Variants in PIK3R1 observed in about 807,000 individuals in gnomAD.
PIK3R1 encodes phosphatidylinositol 3-kinase regulatory subunit alpha.
A neutral mutation model predicts 98.0 loss-of-function variants in PIK3R1; 29 were observed. That is an observed-to-expected ratio of 0.30 (90% CI 0.22 to 0.40). The LOEUF is 0.40. Ranked by LOEUF, PIK3R1 falls within the 10% of genes least tolerant of loss-of-function variation. PIK3R1 has a pLI of 1.00. For missense variants in PIK3R1, 596 were observed against 872.7 expected, an observed-to-expected ratio of 0.68 and a Z score of 3.99; for synonymous variants, 282 against 311.8, an observed-to-expected ratio of 0.90 and a Z score of 1.01.
In PIK3R1 at chr5:68,226,603, T is replaced by G. The variant is rs771427287; in HGVS notation, c.-73T>G. On this transcript the variant is annotated 5_prime_UTR_variant, in exon 2 of 16. Coordinates refer to ENST00000521381, the MANE Select transcript of PIK3R1 (RefSeq NM_181523.3). ...TTCTAACACATTCTCTGAATTCACTTTTCATAAAAACGTAAAATCAGACTG... is the reference window on the plus strand; with the variant it reads ...TTCTAACACATTCTCTGAATTCACTGTTCATAAAAACGTAAAATCAGACTG... 44 of 1,238,764 alleles carry G rather than the reference T, an allele frequency of 3.6e-5. No homozygotes were observed. Among genetic ancestry groups the G allele is most frequent in the Non-Finnish European group, 4.8e-5 (42 of 867,294 alleles). 76.7% of individuals were successfully genotyped at this position (1,238,764 alleles called of 1,614,324 possible). A position where few individuals can be genotyped will look rare whatever the true frequency, so the allele number is the denominator to read the frequency against.
At position 68,230,894 on chromosome 5, in the gene PIK3R1, A is replaced by T. The variant is rs1580178181; in HGVS notation, c.334+3885A>T. Among the ~76,000 whole-genome samples the T allele has an allele frequency of 2.0e-5, 3 of 152,296 alleles. No individual in the cohort carries two copies. The East Asian group carries it at 5.8e-4, about 29-fold the overall frequency. On this transcript the variant is annotated intron_variant, in intron 2 of 15. Coordinates refer to ENST00000521381, the MANE Select transcript of PIK3R1 (RefSeq NM_181523.3). ...TCTTCCATGTTTTGTTTGGATAAAG[A>T]GTGTGCTGGGTGTGCAAGGTGGGTG...
Position 68,280,922 on chromosome 5 carries a change from T to TA in PIK3R1, c.837-4dup. On this transcript the variant is annotated splice_region_variant and splice_polypyrimidine_tract_variant and intron_variant, in intron 6 of 15. Transcript: ENST00000521381. ...AAGGTTTCTAATAAACTCTCTTTCTTACAGCTCTGATAATACTGAAAACCT... is the reference window on the plus strand; with the variant it reads ...AAGGTTTCTAATAAACTCTCTTTCTTAACAGCTCTGATAATACTGAAAACCT... 1 of 1,558,512 alleles carries TA rather than the reference T, an allele frequency of 6.4e-7. No homozygotes were observed. The highest frequency in any genetic ancestry group is 8.7e-7 in the Non-Finnish European group (1 of 1,143,702).
chr5:68,246,631 T>G (rs1745101666), intron 2 of PIK3R1, among the ~76,000 whole-genome samples: 1 of 152,078 alleles, frequency 6.6e-6, no homozygotes, highest in South Asian at 2.1e-4. Context: ...CTTTTTTATT[T>G]TTTGTTTTTT....
At chr5:68,288,419 A>G in intron 7 of PIK3R1, 3 of 1,229,932 alleles carry the variant, frequency 2.4e-6, no homozygotes, top group Non-Finnish European at 3.0e-6. Flanking sequence ...CCTCCCCGAT[A>G]CAGTAGCGAA....
chr5:68,258,426 C>T (rs1179331354), intron 2 of PIK3R1, among the ~76,000 whole-genome samples: 1 of 152,190 alleles, frequency 6.6e-6, no homozygotes, highest in African/African-American at 2.4e-5. Context: ...GTGCCTGCCT[C>T]TTCCTCTAAT....
chr5:68,219,583 T>C (rs747367924), intron 1 of PIK3R1, among the ~76,000 whole-genome samples: 23 of 152,220 alleles, frequency 1.5e-4, no homozygotes, highest in Non-Finnish European at 2.5e-4. Flanking sequence ...CAGGCCTCCT[T>C]TGTCCTGACC....
chr5:68,239,793 G>A (rs1744804732), intron 2 of PIK3R1: 12 of 483,752 alleles, frequency 2.5e-5, no homozygotes, highest in South Asian at 1.5e-4. Context: ...CGTGTGATGC[G>A]GTCTGATATG....
At chr5:68,255,420 TC>T (rs1256412125) in intron 2 of PIK3R1, among the ~76,000 whole-genome samples, 132 of 152,310 alleles carry the variant, frequency 8.7e-4, no homozygotes, top group Middle Eastern at 3.4e-3. Flanking sequence ...TTCAGCCTCA[TC>T]CTGTGCTTCA....
chr5:68,250,834 T>C (rs933989146), intron 2 of PIK3R1, among the ~76,000 whole-genome samples: 5 of 152,236 alleles, frequency 3.3e-5, no homozygotes, highest in Non-Finnish European at 5.9e-5. Context: ...CCAGCACTAC[T>C]TGAGGAGCTT....
In PIK3R1 at chr5:68,289,571, C is replaced by G. The variant is rs180788358; in HGVS notation, c.917-2688C>G. On this transcript the variant is annotated intron_variant, in intron 7 of 15. Transcript: ENST00000521381. The stretch of plus-strand genomic sequence containing the variant: ...CCTTGGGGAAGAGCCCCTCCCCCCC[C>G]GCCATCATAATATTGTGAATGTAAA... Among the ~76,000 whole-genome samples, 699 of 151,748 alleles carry G rather than the reference C, an allele frequency of 4.6e-3. 8 individuals carry two copies. Among genetic ancestry groups the G allele is most frequent in the African/African-American group, 0.016 (648 of 41,378 alleles).
At chr5:68,291,101 G>A in intron 7 of PIK3R1, 1 of 348,116 alleles carries the variant, frequency 2.9e-6, no homozygotes, top group Non-Finnish European at 5.2e-6. Context: ...TTTGTTAATC[G>A]AGATCCTTCC....
intron 2 of PIK3R1, among the ~76,000 whole-genome samples, chr5:68,228,428 T>C (rs1744359801): frequency 6.6e-6 from 1 of 152,198 alleles, no homozygotes; most frequent in Non-Finnish European, 1.5e-5. Flanking sequence ...TGTTATACTT[T>C]ATAATGTTCA....
In PIK3R1 at chr5:68,258,256, A is replaced by G. The variant is rs1745606187; in HGVS notation, c.335-15134A>G. Among the ~76,000 whole-genome samples the G allele has an allele frequency of 2.6e-5, 4 of 152,226 alleles. No individual in the cohort carries two copies. In the South Asian group the frequency reaches 8.3e-4, roughly 31 times the overall value. On this transcript the variant is annotated intron_variant, in intron 2 of 15. Coordinates refer to ENST00000521381, the MANE Select transcript of PIK3R1 (RefSeq NM_181523.3). The stretch of plus-strand genomic sequence containing the variant: ...TGAAGCCCAGAATGCACTTTATATT[A>G]TAACCAACACAGTTGAAAAATAGGT...
chr5:68,265,260 C>G (rs1746076945), intron 2 of PIK3R1, among the ~76,000 whole-genome samples: 1 of 152,186 alleles, frequency 6.6e-6, no homozygotes, highest in Non-Finnish European at 1.5e-5. Flanking sequence ...TTCTGACACG[C>G]AGAGGGTATT....
chr5:68,288,620 G>A, intron 7 of PIK3R1: 1 of 1,577,922 alleles, frequency 6.3e-7, no homozygotes, highest in Non-Finnish European at 8.6e-7. Flanking sequence ...AGCACTGCCT[G>A]CCGGGAACAG....
chr5:68,291,470 G>A (rs1016731041), intron 7 of PIK3R1: 2 of 152,032 alleles, frequency 1.3e-5, no homozygotes, highest in African/African-American at 4.8e-5. Context: ...GATTTATTTT[G>A]TTTCCTAAGT....
intron 4 of PIK3R1, among the ~76,000 whole-genome samples, chr5:68,274,632 C>T (rs543006982): frequency 2.6e-5 from 4 of 152,208 alleles, no homozygotes; most frequent in South Asian, 4.2e-4. Flanking sequence ...ATATTCCCAC[C>T]GGGGCTTATT....
intron 2 of PIK3R1, among the ~76,000 whole-genome samples, chr5:68,249,639 C>A (rs537876075): frequency 6.6e-6 from 1 of 152,226 alleles, no homozygotes; most frequent in African/African-American, 2.4e-5. Flanking sequence ...TTCTGTTAAC[C>A]CAGTAGCTTC....
At chr5:68,266,309 G>A (rs1746121417) in intron 2 of PIK3R1, among the ~76,000 whole-genome samples, 1 of 152,168 alleles carries the variant, frequency 6.6e-6, no homozygotes, top group Non-Finnish European at 1.5e-5. Flanking sequence ...ATCATCACAT[G>A]TAAGTAGGAA....
Sources: gnomAD v4.1 joint callset for allele counts (sites outside exome capture counted in the v4.1 genomes callset) on GRCh38, gnomAD v4.1.1 for gene constraint, MANE v1.5 for transcripts, NCBI Gene and HGNC (gene_info 2026-07-23, HGNC 2026-07-21) for gene names.